Variants in GNS observed in about 807,000 individuals in gnomAD.
The protein encoded by GNS is glucosamine (N-acetyl)-6-sulfatase, also known as N-acetylglucosamine-6-sulfatase.
A neutral mutation model predicts 69.7 loss-of-function variants in GNS; 40 were observed. That is an observed-to-expected ratio of 0.57 (90% confidence interval 0.45 to 0.75). The LOEUF is 0.75. Among genes scored for constraint, GNS ranks in the 30% least tolerant of loss-of-function variants. GNS has a pLI of 0.00. For synonymous variants in GNS, 243 were observed against 251.6 expected, an observed-to-expected ratio of 0.97 and a Z score of 0.32; for missense variants, 565 against 685.5, an observed-to-expected ratio of 0.82 and a Z score of 1.96.
At position 64,752,697 on chromosome 12, in the gene GNS, C is replaced by A. The variant is rs368414819; in HGVS notation, c.252+1G>T. 3 of 1,454,016 alleles carry A rather than the reference C, an allele frequency of 2.1e-6. No homozygotes were observed. The highest frequency in any genetic ancestry group is 2.9e-6 in the Non-Finnish European group (3 of 1,035,946). The allele number at this position is 1,454,016 out of a possible 1,614,324, so 90.1% of individuals were successfully genotyped here. A position where few individuals can be genotyped will look rare whatever the true frequency, so the allele number is the denominator to read the frequency against. On this transcript the variant is annotated splice_donor_variant, in intron 2 of 13. Coordinates refer to ENST00000258145, the MANE Select transcript of GNS (RefSeq NM_002076.4). LOFTEE classifies it high-confidence loss of function. ...AAAATTGAATTAACTTTCAAACTTA[C>A]AGCACTGGAAAAAGTCATCCCCATC...
In GNS at chr12:64,715,741, G is replaced by C. The variant is rs1026162140; in HGVS notation, c.*1000C>G. 2 of 152,900 alleles carry C rather than the reference G, an allele frequency of 1.3e-5. No individual in the cohort carries two copies. Among genetic ancestry groups the C allele is most frequent in the African/African-American group, 4.8e-5 (2 of 41,436 alleles). The allele number at this position is 152,900 out of a possible 1,614,324, so 9.5% of individuals were successfully genotyped here. A position where few individuals can be genotyped will look rare whatever the true frequency, so the allele number is the denominator to read the frequency against. On this transcript the variant is annotated 3_prime_UTR_variant, in exon 14 of 14. Coordinates refer to ENST00000258145, the MANE Select transcript of GNS (RefSeq NM_002076.4). ...AGAGAATGACAGAAAAATGCAGATA[G>C]AGCCAATGACTTCATACATGGAACT...
In GNS at chr12:64,713,802, A is replaced by G. The variant is rs1289388858; in HGVS notation, c.*2939T>C. The G allele has an allele frequency of 6.6e-6, 1 of 152,234 alleles. No individual in the cohort carries two copies. Among genetic ancestry groups the G allele is most frequent in the Non-Finnish European group, 1.5e-5 (1 of 68,030 alleles). 9.4% of individuals were successfully genotyped at this position (152,234 alleles called of 1,614,324 possible). On this transcript the variant is annotated 3_prime_UTR_variant, in exon 14 of 14. Transcript: ENST00000258145. Reference sequence around the variant, plus strand: ...AGGTAAAACTTCCATGGCTATCATTACTATTTTGTACAACAGCCCTAGTGT... The same window carrying G: ...AGGTAAAACTTCCATGGCTATCATTGCTATTTTGTACAACAGCCCTAGTGT...
chr12:64,752,125 A>G (rs2136252877), intron 2 of GNS, among the ~76,000 whole-genome samples: 1 of 152,166 alleles, frequency 6.6e-6, no homozygotes, highest in South Asian at 2.1e-4. Context: ...CCAAGGTCAC[A>G]CTGCTAGAAA....
chr12:64,745,948 T>C (rs1869886218), intron 3 of GNS: 1 of 549,172 alleles, frequency 1.8e-6, no homozygotes, highest in Non-Finnish European at 3.3e-6. Context: ...CTGATGACTT[T>C]TGTATGAACA....
intron 4 of GNS, 119 bp from the exon 5 acceptor site, chr12:64,745,026 C>T: frequency 3.0e-6 from 2 of 673,330 alleles, no homozygotes; most frequent in Non-Finnish European, 5.4e-6. Context: ...GATAATTACT[C>T]AAGTCAATAC....
chr12:64,716,962 C>A, intron 13 of GNS, 143 bp from the exon 14 acceptor site: 2 of 700,646 alleles, frequency 2.9e-6, no homozygotes, highest in Non-Finnish European at 2.6e-6. Context: ...TGGTACAAAA[C>A]ATGAGCCCTC....
intron 8 of GNS, among the ~76,000 whole-genome samples, chr12:64,738,861 G>A (rs1460307206): frequency 6.6e-6 from 1 of 151,608 alleles, no homozygotes; most frequent in Non-Finnish European, 1.5e-5. Context: ...ATGCCTAAGC[G>A]ATCTCCTCCT....
intron 13 of GNS, among the ~76,000 whole-genome samples, chr12:64,717,131 A>C (rs1421238082): frequency 6.6e-6 from 1 of 152,184 alleles, no homozygotes; most frequent in East Asian, 1.9e-4. Flanking sequence ...CAACTGTTAC[A>C]TTATTACAGT....
intron 6 of GNS, among the ~76,000 whole-genome samples, chr12:64,741,982 ATTTATTTTAT>A (rs528411032): frequency 6.6e-6 from 1 of 152,096 alleles, no homozygotes; most frequent in Non-Finnish European, 1.5e-5. Context: ...CTATTTTTTA[ATTTATTTTAT>A]TTTATTTTAT....
chr12:64,757,231 A>AC (rs777681083), intron 1 of GNS, among the ~76,000 whole-genome samples: 7 of 152,096 alleles, frequency 4.6e-5, no homozygotes, highest in Admixed American at 1.3e-4. Context: ...TACTAAAGAG[A>AC]CCTCAAATAC....
rs1323350816 is a variant in GNS, at chr12:64,714,614, C to A, written c.*2127G>T. 6.6e-6 allele frequency: 1 copy of A among 152,214 alleles called. No individual in the cohort carries two copies. The highest frequency in any genetic ancestry group is 2.4e-5 in the African/African-American group (1 of 41,456). 9.4% of individuals were successfully genotyped at this position (152,214 alleles called of 1,614,324 possible). A position where few individuals can be genotyped will look rare whatever the true frequency, so the allele number is the denominator to read the frequency against. On this transcript the variant is annotated 3_prime_UTR_variant, in exon 14 of 14. Coordinates refer to ENST00000258145, the MANE Select transcript of GNS (RefSeq NM_002076.4). Reference sequence around the variant, plus strand: ...CTACCACGCAAGCACACCCACTGAACTGAGTAAGAGTGGCGTGGCTGAGGT... The same window carrying A: ...CTACCACGCAAGCACACCCACTGAAATGAGTAAGAGTGGCGTGGCTGAGGT...
At chr12:64,729,180 G>A in intron 9 of GNS, 123 bp from the exon 10 acceptor site, 1 of 706,006 alleles carries the variant, frequency 1.4e-6, no homozygotes, top group Admixed American at 2.0e-5. Context: ...CTTTTATACA[G>A]CCCATACTTT....
Position 64,723,036 on chromosome 12 carries a change from TG to T in GNS, c.1277del (p.Pro426GlnfsTer6). The stretch of plus-strand genomic sequence containing the variant: ...CGCCAGGACTCAGGGAAGGGCATGT[TG>T]GGTCAGTGACGTTACGGCCTTCTCC... Reference protein sequence around the residue: ...YQGEGRNVTDPTCPSLSPGVS... With the variant: ...YQGEGRNVTDXTCPSLSPGVS... On this transcript the variant is annotated frameshift_variant, in exon 11 of 14. Transcript: ENST00000258145. LOFTEE classifies it high-confidence loss of function. 6.2e-7 allele frequency: 1 copy of T among 1,611,050 alleles called. No individual in the cohort carries two copies. The highest frequency in any genetic ancestry group is 8.5e-7 in the Non-Finnish European group (1 of 1,177,160).
intron 1 of GNS, among the ~76,000 whole-genome samples, chr12:64,758,716 C>G (rs578180148): frequency 6.6e-6 from 1 of 152,236 alleles, no homozygotes; most frequent in Admixed American, 6.5e-5. Flanking sequence ...CTGGACTTGT[C>G]TGTGATCCTC....
chr12:64,738,539 C>A (rs73323462), intron 8 of GNS, among the ~76,000 whole-genome samples: 1 of 152,008 alleles, frequency 6.6e-6, no homozygotes, highest in African/African-American at 2.4e-5. Flanking sequence ...ACAGGCCAGG[C>A]GTGTGGCTCA....
At chr12:64,747,970 T>A (rs768915606) in intron 2 of GNS, 52 bp from the exon 3 acceptor site, 1 of 950,664 alleles carries the variant, frequency 1.1e-6, no homozygotes, top group Non-Finnish European at 1.7e-6. Flanking sequence ...AAGATGGACT[T>A]CTCATCATTG....
At chr12:64,741,300 A>T (rs926794601) in intron 6 of GNS, among the ~76,000 whole-genome samples, 2 of 151,708 alleles carry the variant, frequency 1.3e-5, no homozygotes, top group African/African-American at 4.8e-5. Flanking sequence ...TTGAGCCGAG[A>T]TCGCACTACT....
intron 3 of GNS, chr12:64,746,069 T>C (rs1449088069): frequency 2.7e-6 from 1 of 364,186 alleles, no homozygotes; most frequent in Non-Finnish European, 5.2e-6. Context: ...TAAAGAGTTT[T>C]ATTGGAACAC....
chr12:64,730,431 A>G (rs1869349332), intron 9 of GNS, among the ~76,000 whole-genome samples: 1 of 142,748 alleles, frequency 7.0e-6, no homozygotes, highest in Non-Finnish European at 1.5e-5. Flanking sequence ...CAGATATGAA[A>G]GGCAAAAAAA....
Sources: gnomAD v4.1 joint callset for allele counts (sites outside exome capture counted in the v4.1 genomes callset) on GRCh38, gnomAD v4.1.1 for gene constraint, MANE v1.5 for transcripts, NCBI Gene and HGNC (gene_info 2026-07-23, HGNC 2026-07-21) for gene names.